TYW1B: variants seen among roughly 807,000 people sequenced by gnomAD.
TYW1B encodes the protein S-adenosyl-L-methionine-dependent tRNA 4-demethylwyosine synthase TYW1B.
TYW1B carries 73 observed loss-of-function variants against 86.9 expected under a neutral mutation model. That is an observed-to-expected ratio of 0.84 (90% CI 0.70 to 1.02). TYW1B has a LOEUF of 1.02. Ranked by LOEUF, TYW1B falls within the 50% of genes least tolerant of loss-of-function variation. TYW1B has a pLI of 0.00. For synonymous variants in TYW1B, 248 were observed against 292.8 expected, an observed-to-expected ratio of 0.85 and a Z score of 1.56; for missense variants, 637 against 827.4, an observed-to-expected ratio of 0.77 and a Z score of 2.82.
intron 10 of TYW1B, among the ~76,000 whole-genome samples, chr7:72,698,687 T>C (rs1436589815): frequency 6.7e-6 from 1 of 150,308 alleles, no homozygotes; most frequent in Non-Finnish European, 1.5e-5. Flanking sequence ...AGAAAAACAG[T>C]AAGCATCAAG....
intron 11 of TYW1B, among the ~76,000 whole-genome samples, chr7:72,641,869 G>A (rs1477244267): frequency 6.6e-6 from 1 of 152,116 alleles, no homozygotes; most frequent in Non-Finnish European, 1.5e-5. Context: ...TGTTTTGCAG[G>A]CTTTAAAAGC....
intron 6 of TYW1B, among the ~76,000 whole-genome samples, chr7:72,788,521 CTTTGTTTTG>C (rs550723276): frequency 6.0e-4 from 91 of 152,102 alleles, no homozygotes; most frequent in African/African-American, 2.2e-3. Context: ...TGAGTATTTC[CTTTGTTTTG>C]TTTGTTTTGT....
intron 12 of TYW1B, among the ~76,000 whole-genome samples, chr7:72,622,673 C>CA (rs1554438167): frequency 6.6e-6 from 1 of 151,736 alleles, no homozygotes; most frequent in Non-Finnish European, 1.5e-5. Context: ...CATGCACATA[C>CA]ACATAACACA....
At position 72,747,325 on chromosome 7, in the gene TYW1B, ACCTTTTG is replaced by A. The variant is rs782595605; in HGVS notation, c.965-2731_965-2725del. On this transcript the variant is annotated intron_variant, in intron 7 of 13. Coordinates refer to ENST00000620995, the MANE Select transcript of TYW1B (RefSeq NM_001145440.3). ...CTCTTGCCACCACCATGTAAAAAGTACCTTTTGCCTCCTGCCATGATTCTGAGGCCTC... is the reference window on the plus strand; with the variant it reads ...CTCTTGCCACCACCATGTAAAAAGTACCTCCTGCCATGATTCTGAGGCCTC... 7.2e-4 allele frequency among the ~76,000 whole-genome samples: 109 copies of A among 152,238 alleles called. 1 individual carries two copies. Among genetic ancestry groups the A allele is most frequent in the South Asian group, 4.1e-3 (20 of 4,820 alleles).
At position 72,616,821 on chromosome 7, in the gene TYW1B, C is replaced by A. The variant is rs1297151764; in HGVS notation, c.1636G>T (p.Glu546Ter). 6.2e-7 allele frequency: 1 copy of A among 1,614,074 alleles called. No homozygotes were observed. Among genetic ancestry groups the A allele is most frequent in the Non-Finnish European group, 8.5e-7 (1 of 1,180,052 alleles). The change falls in exon 13 of 14, where the codon GAA becomes TAA. Residue 546 changes from glutamate to a stop codon, truncating the protein, a stop_gained. Coordinates refer to ENST00000620995, the MANE Select transcript of TYW1B (RefSeq NM_001145440.3). LOFTEE classifies it high-confidence loss of function. ...ATGGTAAGACTGCTTGCTGAACTTT[C>A]TCTGCAGTAGGTAACGCCCTGTGGA... ...IEVKGVTYCR[E>*]SSASSLTMAH... is the part of the protein sequence containing the mutation.
At chr7:72,704,218 GA>G (rs1339816915) in intron 10 of TYW1B, among the ~76,000 whole-genome samples, 5 of 152,144 alleles carry the variant, frequency 3.3e-5, no homozygotes, top group Admixed American at 2.0e-4. Flanking sequence ...CAAATCACTT[GA>G]AGTCAGGCAT....
intron 11 of TYW1B, among the ~76,000 whole-genome samples, chr7:72,659,019 C>T (rs1585882337): frequency 6.6e-6 from 1 of 152,148 alleles, no homozygotes; most frequent in South Asian, 2.1e-4. Flanking sequence ...CCACACCCAC[C>T]CATAAACATA....
intron 11 of TYW1B, among the ~76,000 whole-genome samples, chr7:72,629,705 C>A (rs1453024532): frequency 6.6e-6 from 1 of 152,048 alleles, no homozygotes; most frequent in African/African-American, 2.4e-5. Flanking sequence ...TATCATCATG[C>A]CCGGCTAAGT....
At chr7:72,761,759 T>A (rs1347501510) in intron 7 of TYW1B, among the ~76,000 whole-genome samples, 3 of 151,852 alleles carry the variant, frequency 2.0e-5, no homozygotes, top group Admixed American at 6.6e-5. Context: ...GAAGATATAT[T>A]TTTTAAGAAA....
At chr7:72,710,008 G>A (rs1451730586) in intron 10 of TYW1B, among the ~76,000 whole-genome samples, 1 of 152,202 alleles carries the variant, frequency 6.6e-6, no homozygotes, top group Non-Finnish European at 1.5e-5. Flanking sequence ...TCACCAGCAA[G>A]AGAGGGAAAG....
At chr7:72,617,617 C>T (rs1159158081) in intron 12 of TYW1B, among the ~76,000 whole-genome samples, 1 of 152,164 alleles carries the variant, frequency 6.6e-6, no homozygotes, top group Non-Finnish European at 1.5e-5. Context: ...TCTACCTGCC[C>T]CGGCCTCCCA....
intron 7 of TYW1B, among the ~76,000 whole-genome samples, chr7:72,748,528 T>C (rs1787435575): frequency 6.8e-6 from 1 of 147,256 alleles, no homozygotes; most frequent in Non-Finnish European, 1.5e-5. Context: ...ACTTGTCTTG[T>C]TCCCAATCTA....
At chr7:72,800,200 C>CTT (rs202041917) in intron 6 of TYW1B, among the ~76,000 whole-genome samples, 1 of 142,694 alleles carries the variant, frequency 7.0e-6, no homozygotes, top group Non-Finnish European at 1.5e-5. Context: ...TGTTTCACAT[C>CTT]TTTTTTTTTT....
chr7:72,724,976 GT>G (rs1326865228), intron 9 of TYW1B, among the ~76,000 whole-genome samples: 25 of 152,098 alleles, frequency 1.6e-4, no homozygotes, highest in Non-Finnish European at 1.3e-4. Flanking sequence ...AAACTCTTTT[GT>G]TTTCCTCACA....
At chr7:72,703,017 TATATATA>T (rs1411027629) in intron 10 of TYW1B, among the ~76,000 whole-genome samples, 2,458 of 73,272 alleles carry the variant, frequency 0.034, 163 homozygotes, top group Non-Finnish European at 0.046. Context: ...TATATATATA[TATATATA>T]TATTTTTTTT....
intron 11 of TYW1B, among the ~76,000 whole-genome samples, chr7:72,631,700 G>C (rs538558253): frequency 6.6e-6 from 1 of 151,972 alleles, no homozygotes; most frequent in Admixed American, 6.6e-5. Context: ...GGAAACCTAA[G>C]AGAATCAACT....
chr7:72,655,416 C>T (rs1424844180), intron 11 of TYW1B, among the ~76,000 whole-genome samples: 2 of 152,146 alleles, frequency 1.3e-5, no homozygotes, highest in South Asian at 2.1e-4. Context: ...ATCACAGCAC[C>T]GTATTGAGCT....
chr7:72,663,008 CAT>C (rs1253893202), intron 11 of TYW1B, among the ~76,000 whole-genome samples: 1 of 152,056 alleles, frequency 6.6e-6, no homozygotes, highest in African/African-American at 2.4e-5. Flanking sequence ...ATAAATCAAA[CAT>C]GATGATTCTC....
At chr7:72,806,230 T>C in intron 5 of TYW1B, among the ~76,000 whole-genome samples, 1 of 115,100 alleles carries the variant, frequency 8.7e-6, no homozygotes, top group East Asian at 2.6e-4. Context: ...TGGTTGTGTG[T>C]GTGTGGGTTT....
Sources: gnomAD v4.1 joint callset for allele counts (sites outside exome capture counted in the v4.1 genomes callset) on GRCh38, gnomAD v4.1.1 for gene constraint, MANE v1.5 for transcripts, NCBI Gene and HGNC (gene_info 2026-07-23, HGNC 2026-07-21) for gene names.